CRIM1: variants seen among roughly 807,000 people sequenced by gnomAD.
CRIM1 encodes cysteine-rich motor neuron 1 protein.
Under a neutral mutation model 116.4 loss-of-function variants are expected in CRIM1, and 32 were observed. The observed-to-expected ratio is 0.27, with a 90% CI of 0.21 to 0.37. CRIM1 has a LOEUF of 0.37. Among genes scored for constraint, CRIM1 ranks in the 10% least tolerant of loss-of-function variants. The pLI is 1.00. For missense variants in CRIM1, 1,331 were observed against 1,354.8 expected, an observed-to-expected ratio of 0.98 and a Z score of 0.28; for synonymous variants, 590 against 509.2, an observed-to-expected ratio of 1.16 and a Z score of -2.13.
At chr2:36,415,927 G>C (rs1197637931) in intron 2 of CRIM1, among the ~76,000 whole-genome samples, 2 of 152,202 alleles carry the variant, frequency 1.3e-5, no homozygotes, top group Non-Finnish European at 2.9e-5. Context: ...ATGGATTGGG[G>C]CTGGGCACAG....
intron 9 of CRIM1, among the ~76,000 whole-genome samples, chr2:36,511,248 A>G (rs1028991144): frequency 6.6e-6 from 1 of 152,080 alleles, no homozygotes; most frequent in Non-Finnish European, 1.5e-5. Flanking sequence ...GCCTAGTGCT[A>G]GTAATTATAA....
rs777203567 is a variant in CRIM1, at chr2:36,547,176, T to C, written c.2934+5T>C. On this transcript the variant is annotated splice_donor_5th_base_variant and intron_variant, in intron 16 of 16. Coordinates refer to ENST00000280527, the MANE Select transcript of CRIM1 (RefSeq NM_016441.3). ...TGGTATCGAACACCAACTAAGGTAC[T>C]GTCTTGCAAAAGTTAGTCTCTTGAA... The C allele has an allele frequency of 1.2e-6, 2 of 1,605,522 alleles. No homozygotes were observed. Among genetic ancestry groups the C allele is most frequent in the Admixed American group, 3.4e-5 (2 of 58,514 alleles).
intron 2 of CRIM1, among the ~76,000 whole-genome samples, 176 bp from the exon 3 acceptor site, chr2:36,441,082 C>G (rs1675781678): frequency 6.6e-6 from 1 of 152,150 alleles, no homozygotes; most frequent in Non-Finnish European, 1.5e-5. Context: ...GTGTCATGGG[C>G]AGATCTTGGG....
rs75935291 is a variant in CRIM1, at chr2:36,402,708, A to G, written c.505+5921A>G. Among the ~76,000 whole-genome samples the G allele has an allele frequency of 1.3e-3, 195 of 149,146 alleles. 4 individuals carry two copies. In the East Asian group the frequency reaches 0.031, roughly 23 times the overall value. ...GGGGACTCGTACCTGAGAGCTGGAG[A>G]TGAAGAGAATTAGGTGCATTCGAGA... On this transcript the variant is annotated intron_variant, in intron 2 of 16. Transcript: ENST00000280527.
intron 2 of CRIM1, among the ~76,000 whole-genome samples, chr2:36,408,204 T>C (rs1376329039): frequency 6.6e-6 from 1 of 152,212 alleles, no homozygotes; most frequent in East Asian, 1.9e-4. Context: ...ATGGTGTTCT[T>C]GAGGGCCGTG....
intron 4 of CRIM1, among the ~76,000 whole-genome samples, chr2:36,461,064 AG>A (rs1236879596): frequency 6.6e-6 from 1 of 152,238 alleles, no homozygotes; most frequent in African/African-American, 2.4e-5. Context: ...TGGACTTCAG[AG>A]TGTTGAATGC....
intron 3 of CRIM1, 95 bp downstream of exon 3, chr2:36,441,595 G>A: frequency 4.8e-6 from 7 of 1,473,358 alleles, no homozygotes; most frequent in Non-Finnish European, 5.5e-6. Flanking sequence ...TTCACACGAA[G>A]ATGGGCCTTC....
In CRIM1 at chr2:36,510,065, G is replaced by C. The variant is rs200381845; in HGVS notation, c.1584G>C (p.Glu528Asp). The C allele has an allele frequency of 5.0e-6, 8 of 1,614,218 alleles. No homozygotes were observed. In the African/African-American group the frequency reaches 8.0e-5, roughly 16 times the overall value. ...TCCTTACTGATGCCCAAAACTGTGAGATCTGTGAGTGCCGCCCAAGGCCCA... is the reference window on the plus strand; with the variant it reads ...TCCTTACTGATGCCCAAAACTGTGACATCTGTGAGTGCCGCCCAAGGCCCA... ...FGFLTDAQNC[E>D]ICECRPRPKK... The change falls in exon 9 of 17, where the codon GAG becomes GAC. Residue 528 changes from glutamate to aspartate, a missense_variant. This residue lies in a region of CRIM1 where 358 missense variants were observed against 436.1 expected (regional missense o/e 0.82). Coordinates refer to ENST00000280527, the MANE Select transcript of CRIM1 (RefSeq NM_016441.3).
At chr2:36,508,047 A>G (rs1293686304) in intron 8 of CRIM1, among the ~76,000 whole-genome samples, 2 of 152,262 alleles carry the variant, frequency 1.3e-5, no homozygotes, top group African/African-American at 4.8e-5. Flanking sequence ...CATGACTAAT[A>G]AAGTCTTCTT....
chr2:36,391,648 C>G (rs1448727968), intron 1 of CRIM1, among the ~76,000 whole-genome samples: 2 of 152,156 alleles, frequency 1.3e-5, no homozygotes, highest in Non-Finnish European at 2.9e-5. Context: ...AGGACATGCT[C>G]TTTAGAACAG....
chr2:36,414,493 G>T (rs1369049300), intron 2 of CRIM1, among the ~76,000 whole-genome samples: 1 of 152,160 alleles, frequency 6.6e-6, no homozygotes, highest in Non-Finnish European at 1.5e-5. Flanking sequence ...GACAGATAAG[G>T]TTCTAGTCCC....
intron 4 of CRIM1, among the ~76,000 whole-genome samples, chr2:36,459,824 G>A (rs934875695): frequency 6.6e-6 from 1 of 152,080 alleles, no homozygotes; most frequent in African/African-American, 2.4e-5. Context: ...GCAGGAACCA[G>A]TAGAATATGG....
chr2:36,372,535 TAGAG>T (rs774420588), intron 1 of CRIM1, among the ~76,000 whole-genome samples: 3 of 152,182 alleles, frequency 2.0e-5, no homozygotes, highest in Non-Finnish European at 2.9e-5. Flanking sequence ...CTGCTAAAGA[TAGAG>T]AGTTTTGGCC....
rs1365811030 is a variant in CRIM1 at position 36,548,766 on chromosome 2, C to G, written c.*65C>G. ...GACTAAATCTGCTCTAAAAAGTAAACTAGAATTTGTGCACTTGCTTAGTGG... is the reference window on the plus strand; with the variant it reads ...GACTAAATCTGCTCTAAAAAGTAAAGTAGAATTTGTGCACTTGCTTAGTGG... On this transcript the variant is annotated 3_prime_UTR_variant, in exon 17 of 17. Transcript: ENST00000280527. 2 of 1,379,990 alleles carry G rather than the reference C, an allele frequency of 1.4e-6. No homozygotes were observed. The highest frequency in any genetic ancestry group is 2.3e-5 in the East Asian group (1 of 42,848). The allele number at this position is 1,379,990 out of a possible 1,614,324, so 85.5% of individuals were successfully genotyped here. A position where few individuals can be genotyped will look rare whatever the true frequency, so the allele number is the denominator to read the frequency against.
chr2:36,498,158 T>C (rs1352008922), intron 7 of CRIM1, among the ~76,000 whole-genome samples: 2 of 152,244 alleles, frequency 1.3e-5, no homozygotes, highest in African/African-American at 4.8e-5. Context: ...TGCATAAGTA[T>C]GTCAGTGCCT....
At chr2:36,500,361 T>C (rs1680900633) in intron 8 of CRIM1, among the ~76,000 whole-genome samples, 1 of 152,180 alleles carries the variant, frequency 6.6e-6, no homozygotes, top group Admixed American at 6.5e-5. Context: ...TTTGGTCTGC[T>C]GAATACAGTG....
intron 12 of CRIM1, among the ~76,000 whole-genome samples, chr2:36,518,953 T>C (rs1362768561): frequency 6.6e-6 from 1 of 152,244 alleles, no homozygotes; most frequent in Non-Finnish European, 1.5e-5. Flanking sequence ...ATTCCTGTCC[T>C]GGAGCAATAG....
intron 1 of CRIM1, among the ~76,000 whole-genome samples, chr2:36,395,128 C>G (rs1437027386): frequency 6.6e-6 from 1 of 151,780 alleles, no homozygotes; most frequent in African/African-American, 2.4e-5. Flanking sequence ...AATTATCCCC[C>G]TTCAGCCTCC....
At chr2:36,365,366 C>T (rs868868149) in intron 1 of CRIM1, among the ~76,000 whole-genome samples, 1 of 152,150 alleles carries the variant, frequency 6.6e-6, no homozygotes, top group African/African-American at 2.4e-5. Context: ...TTCTGGACAT[C>T]ACTGGAGACG....
Sources: gnomAD v4.1 joint callset for allele counts (sites outside exome capture counted in the v4.1 genomes callset) on GRCh38, gnomAD v4.1.1 for gene constraint, gnomAD v4.1.1 regional missense constraint, MANE v1.5 for transcripts, NCBI Gene and HGNC (gene_info 2026-07-23, HGNC 2026-07-21) for gene names.